NBEA: variants seen among roughly 807,000 people sequenced by gnomAD.
NBEA encodes lysosomal-trafficking regulator 2.
In NBEA, 44 loss-of-function variants were observed where a neutral mutation model predicts 343.4. The ratio of observed to expected loss-of-function variants is 0.13; its 90% confidence interval spans 0.10 to 0.16. The LOEUF (loss-of-function observed/expected upper bound fraction) is 0.16. Among genes scored for constraint, NBEA ranks in the 10% least tolerant of loss-of-function variants. The pLI is 1.00. For synonymous variants in NBEA, 1,175 were observed against 1,238.7 expected (o/e 0.95, Z 1.08); for missense variants, 2,555 against 3,631.3 (o/e 0.70, Z 7.62).
intron 41 of NBEA, among the ~76,000 whole-genome samples, chr13:35,500,690 T>C: frequency 6.7e-6 from 1 of 148,250 alleles, no homozygotes; most frequent in South Asian, 2.1e-4. Flanking sequence ...ATGTTCTCAC[T>C]CCTCGTGCTC....
chr13:35,390,220 AC>A (rs1391429338), intron 38 of NBEA, among the ~76,000 whole-genome samples: 1 of 151,920 alleles, frequency 6.6e-6, no homozygotes, highest in Admixed American at 6.6e-5. Context: ...GGGACTTAAG[AC>A]CTATTCCGTG....
At chr13:35,015,284 C>T (rs982150555) in intron 1 of NBEA, among the ~76,000 whole-genome samples, 1 of 151,700 alleles carries the variant, frequency 6.6e-6, no homozygotes, top group Non-Finnish European at 1.5e-5. Flanking sequence ...AATAATGTAG[C>T]TATTCAGATC....
At chr13:35,539,942 A>AAAAG (rs1566289232) in intron 41 of NBEA, among the ~76,000 whole-genome samples, 2 of 147,700 alleles carry the variant, frequency 1.4e-5, no homozygotes, top group African/African-American at 2.5e-5. Context: ...AAAAAAAAAA[A>AAAAG]GTGCACTAGT....
At chr13:35,083,779 G>C (rs910162044) in intron 10 of NBEA, among the ~76,000 whole-genome samples, 13 of 152,008 alleles carry the variant, frequency 8.6e-5, no homozygotes, top group African/African-American at 3.1e-4. Flanking sequence ...AAATGTAAAT[G>C]GGGTAAATGC....
At chr13:35,534,368 T>G (rs915632196) in intron 41 of NBEA, among the ~76,000 whole-genome samples, 3 of 152,208 alleles carry the variant, frequency 2.0e-5, no homozygotes. Context: ...TACTTCCTAC[T>G]GGCTTCATTC....
At chr13:35,282,459 T>C (rs1291554886) in intron 34 of NBEA, among the ~76,000 whole-genome samples, 2 of 152,160 alleles carry the variant, frequency 1.3e-5, no homozygotes, top group African/African-American at 4.8e-5. Context: ...TAATTAAGGC[T>C]TTTGAAATTT....
chr13:35,190,563 C>A (rs2072110124), intron 30 of NBEA, among the ~76,000 whole-genome samples: 1 of 152,144 alleles, frequency 6.6e-6, no homozygotes, highest in African/African-American at 2.4e-5. Flanking sequence ...ACTAGGTTAA[C>A]TGAGCAGAGA....
intron 34 of NBEA, among the ~76,000 whole-genome samples, chr13:35,261,873 T>C (rs1460646137): frequency 6.6e-6 from 1 of 152,138 alleles, no homozygotes; most frequent in Non-Finnish European, 1.5e-5. Context: ...TCCAAGAAAT[T>C]CAGCTAACCA....
chr13:35,109,322 G>A lies in NBEA; in HGVS notation c.1713G>A (p.Leu571=). The A allele has an allele frequency of 1.2e-6, 2 of 1,611,836 alleles. No homozygotes were observed. Among genetic ancestry groups the A allele is most frequent in the Non-Finnish European group, 1.7e-6 (2 of 1,178,800 alleles). The change falls in exon 12 of 59, where the codon CTG becomes CTA. Residue 571 remains leucine (L), a synonymous_variant. Coordinates refer to ENST00000379939, the MANE Select transcript of NBEA (RefSeq NM_001385012.1). ...GAGTTCATATAACTAGAGCTGTCCT[G>A]GAGCAATTTTTATCTTTTGCAAAAT... is the stretch of plus-strand genomic sequence containing the variant. ...SSRVHITRAV[L]EQFLSFAKYL...
chr13:35,368,602 T>C (rs1188241362), intron 38 of NBEA, among the ~76,000 whole-genome samples: 1 of 151,672 alleles, frequency 6.6e-6, no homozygotes, highest in African/African-American at 2.4e-5. Context: ...TTTACTATTA[T>C]TGATACTACT....
chr13:35,409,229 C>A (rs1323460157), intron 38 of NBEA, among the ~76,000 whole-genome samples: 1 of 152,068 alleles, frequency 6.6e-6, no homozygotes, highest in Non-Finnish European at 1.5e-5. Context: ...TTATCCTAAG[C>A]AAACTAACAG....
intron 43 of NBEA, among the ~76,000 whole-genome samples, chr13:35,552,253 C>T (rs1177303301): frequency 6.6e-6 from 1 of 152,162 alleles, no homozygotes; most frequent in Non-Finnish European, 1.5e-5. Flanking sequence ...CTTTAATCTA[C>T]AGGACCTAAC....
At chr13:35,401,255 C>A (rs966626168) in intron 38 of NBEA, among the ~76,000 whole-genome samples, 3 of 151,872 alleles carry the variant, frequency 2.0e-5, no homozygotes, top group African/African-American at 7.2e-5. Flanking sequence ...AATGATAAGA[C>A]AGAAAAGACA....
chr13:35,031,641 G>A (rs1401047219), intron 1 of NBEA, among the ~76,000 whole-genome samples: 3 of 151,264 alleles, frequency 2.0e-5, no homozygotes, highest in Non-Finnish European at 4.4e-5. Flanking sequence ...AATTTTATTA[G>A]ACAGGAACTT....
Position 34,942,914 on chromosome 13 carries a change from AGCG to A in NBEA, c.96_98del (p.Gly36del). 6.7e-7 allele frequency: 1 copy of A among 1,495,956 alleles called. No homozygotes were observed. 92.7% of individuals were successfully genotyped at this position (1,495,956 alleles called of 1,614,324 possible). On this transcript the variant is annotated inframe_deletion, in exon 1 of 59. Transcript: ENST00000379939. ...GGCCGCTGGCGGAGGCGGCGGGGGC[AGCG>A]GTGGTGGCGGCACCGGGGGCAGCGG... is the stretch of plus-strand genomic sequence containing the variant.
chr13:34,979,061 A>G (rs1016575857), intron 1 of NBEA, among the ~76,000 whole-genome samples: 2 of 152,170 alleles, frequency 1.3e-5, no homozygotes, highest in Non-Finnish European at 2.9e-5. Flanking sequence ...TGATTAAAAC[A>G]TTTTGTATTT....
At chr13:35,569,767 G>T (rs1215427407) in intron 45 of NBEA, among the ~76,000 whole-genome samples, 1 of 152,182 alleles carries the variant, frequency 6.6e-6, no homozygotes, top group African/African-American at 2.4e-5. Flanking sequence ...TAGGGACTGT[G>T]CCTCACTGGG....
chr13:35,018,180 T>G (rs1309862641), intron 1 of NBEA, among the ~76,000 whole-genome samples: 2 of 152,126 alleles, frequency 1.3e-5, no homozygotes, highest in African/African-American at 4.8e-5. Context: ...ATCTGGTAGT[T>G]TAGGGCCTCT....
intron 45 of NBEA, among the ~76,000 whole-genome samples, chr13:35,567,408 C>T (rs191842471): frequency 1.2e-3 from 183 of 152,126 alleles, no homozygotes; most frequent in African/African-American, 4.2e-3. Flanking sequence ...AAATATAATA[C>T]TGAAAAGAAA....
Sources: allele counts gnomAD v4.1 joint callset (sites outside exome capture counted in the v4.1 genomes callset), GRCh38; gene constraint gnomAD v4.1.1; transcripts MANE v1.5; gene names NCBI Gene and HGNC (gene_info 2026-07-23, HGNC 2026-07-21).